CRIM1: variants seen among roughly 807,000 people sequenced by gnomAD.
CRIM1 encodes the protein cysteine-rich motor neuron 1 protein.
CRIM1 carries 32 observed loss-of-function variants against 116.4 expected under a neutral mutation model. That is an observed-to-expected ratio of 0.27 (90% CI 0.21 to 0.37). The LOEUF is 0.37. CRIM1 is among the 10% of genes least tolerant of loss of function. The pLI is 1.00. For synonymous variants in CRIM1, 590 were observed against 509.2 expected, an observed-to-expected ratio of 1.16 and a Z score of -2.13; for missense variants, 1,331 against 1,354.8, an observed-to-expected ratio of 0.98 and a Z score of 0.28.
intron 1 of CRIM1, among the ~76,000 whole-genome samples, chr2:36,382,914 C>A (rs951811764): frequency 6.6e-6 from 1 of 152,194 alleles, no homozygotes; most frequent in Non-Finnish European, 1.5e-5. Context: ...ATCAGAGCAT[C>A]CTTTGGGAGT....
intron 1 of CRIM1, among the ~76,000 whole-genome samples, chr2:36,380,878 T>G (rs1042290025): frequency 3.9e-5 from 6 of 152,160 alleles, no homozygotes; most frequent in African/African-American, 1.4e-4. Context: ...AAGTTTGTCA[T>G]GTTCTCTTAT....
At chr2:36,397,382 A>G (rs1267033996) in intron 2 of CRIM1, among the ~76,000 whole-genome samples, 3 of 152,142 alleles carry the variant, frequency 2.0e-5, no homozygotes, top group Non-Finnish European at 4.4e-5. Flanking sequence ...AACCAAGAAA[A>G]AACTTCAAGA....
rs147453426 is a variant in CRIM1 at position 36,441,430 on chromosome 2, C to T, written c.678C>T (p.Asn226=). ...TGCGCAAAGTCTGCCAGCCGGGAAA[C>T]CTGAACATACTAGTGTCAAAAGCCT... is the stretch of plus-strand genomic sequence containing the variant. The part of the protein sequence containing the change: ...GCLRKVCQPG[N]LNILVSKASG... The change falls in exon 3 of 17, where the codon AAC becomes AAT. Residue 226 remains asparagine, a synonymous_variant. Transcript: ENST00000280527. The T allele has an allele frequency of 8.5e-5, 138 of 1,614,070 alleles. 1 individual carries two copies. The African/African-American group carries it at 1.7e-3, about 19-fold the overall frequency.
In CRIM1 at chr2:36,396,653, C is replaced by T. The variant is rs1388639190; in HGVS notation, c.371C>T (p.Pro124Leu). 1.2e-6 allele frequency: 2 copies of T among 1,612,108 alleles called. No homozygotes were observed. The highest frequency in any genetic ancestry group is 2.2e-5 in the South Asian group (2 of 90,920). Residue 124 changes from proline to leucine, a missense_variant, in exon 2 of 17, where the codon CCA (proline) becomes CTA (leucine). Pro to Leu is a moderately conservative substitution (Grantham distance 98). Around this residue, in one of 3 missense-constraint regions of CRIM1, gnomAD observed 690 missense variants for 676.0 expected, o/e 1.02. Coordinates refer to ENST00000280527, the MANE Select transcript of CRIM1 (RefSeq NM_016441.3). The stretch of plus-strand genomic sequence containing the variant: ...GATGACCAACTGCTTGGTTTTAAAC[C>T]ATGCAATGAAAACCTTATTGCTGGC... ...WTDDQLLGFK[P>L]CNENLIAGCN...
At chr2:36,446,062 TAAG>T (rs1245293975) in intron 4 of CRIM1, among the ~76,000 whole-genome samples, 1 of 152,218 alleles carries the variant, frequency 6.6e-6, no homozygotes, top group South Asian at 2.1e-4. Context: ...TAGGACATAA[TAAG>T]GTAAAATATC....
At chr2:36,442,905 A>G (rs1284768746) in intron 4 of CRIM1, among the ~76,000 whole-genome samples, 170 bp downstream of exon 4, 4 of 152,210 alleles carry the variant, frequency 2.6e-5, no homozygotes, top group Non-Finnish European at 5.9e-5. Context: ...ATCTTTCCTC[A>G]GATCAAAACC....
At chr2:36,370,934 A>T (rs1269652953) in intron 1 of CRIM1, among the ~76,000 whole-genome samples, 1 of 152,160 alleles carries the variant, frequency 6.6e-6, no homozygotes, top group East Asian at 1.9e-4. Flanking sequence ...TAGACCCCTA[A>T]ATTAAAGACC....
At chr2:36,407,183 T>C (rs3755213) in intron 2 of CRIM1, among the ~76,000 whole-genome samples, 4,222 of 152,288 alleles carry the variant, frequency 0.028, 152 homozygotes, top group East Asian at 0.094. Flanking sequence ...CAATCACAAA[T>C]TGACAATATT....
At chr2:36,362,348 T>A (rs1226495486) in intron 1 of CRIM1, among the ~76,000 whole-genome samples, 1 of 152,172 alleles carries the variant, frequency 6.6e-6, no homozygotes, top group Admixed American at 6.5e-5. Context: ...TTTAAAAGTG[T>A]GAGTAGTAGC....
At chr2:36,522,728 G>T (rs1290563163) in intron 13 of CRIM1, among the ~76,000 whole-genome samples, 1 of 150,956 alleles carries the variant, frequency 6.6e-6, no homozygotes, top group Non-Finnish European at 1.5e-5. Flanking sequence ...CTTGAACACG[G>T]GAGGCGGAGG....
At chr2:36,438,444 C>T (rs1438723368) in intron 2 of CRIM1, among the ~76,000 whole-genome samples, 3 of 152,188 alleles carry the variant, frequency 2.0e-5, no homozygotes, top group Admixed American at 6.5e-5. Context: ...ATTCAAGATT[C>T]GCCTTCTCCT....
chr2:36,438,789 A>G (rs11673762), intron 2 of CRIM1, among the ~76,000 whole-genome samples: 6 of 152,126 alleles, frequency 3.9e-5, no homozygotes, highest in African/African-American at 7.2e-5. Flanking sequence ...TTCCTGAGAC[A>G]GGAGTCATAT....
Position 36,548,267 on chromosome 2 carries a change from C to CTTT in CRIM1, c.2935-244_2935-242dup, listed in dbSNP as rs11318146. On this transcript the variant is annotated intron_variant, in intron 16 of 16. Coordinates refer to ENST00000280527, the MANE Select transcript of CRIM1 (RefSeq NM_016441.3). ...AAGGATTTGAAATCATTTCACCAGTCTTTTTTTTTTTTTTTTCAGTTCCTT... is the reference window on the plus strand; with the variant it reads ...AAGGATTTGAAATCATTTCACCAGTCTTTTTTTTTTTTTTTTTTTCAGTTCCTT... Among the ~76,000 whole-genome samples, 261 of 137,814 alleles carry CTTT rather than the reference C, an allele frequency of 1.9e-3. 1 individual carries two copies. Among genetic ancestry groups the CTTT allele is most frequent in the East Asian group, 0.012 (56 of 4,856 alleles). 90.4% of individuals were successfully genotyped at this position (137,814 alleles called of 152,430 possible).
At chr2:36,414,506 C>G (rs1033829395) in intron 2 of CRIM1, among the ~76,000 whole-genome samples, 30 of 152,180 alleles carry the variant, frequency 2.0e-4, no homozygotes, top group Admixed American at 2.0e-3. Flanking sequence ...CTAGTCCCCC[C>G]CCGAGCTTTC....
intron 2 of CRIM1, among the ~76,000 whole-genome samples, chr2:36,411,986 A>G (rs149565403): frequency 1.3e-4 from 20 of 152,308 alleles, no homozygotes; most frequent in African/African-American, 3.6e-4. Flanking sequence ...TGTGTTGTCT[A>G]TCTGCTTCCC....
intron 1 of CRIM1, among the ~76,000 whole-genome samples, chr2:36,395,164 G>A (rs1356807200): frequency 2.6e-5 from 4 of 151,864 alleles, no homozygotes; most frequent in Admixed American, 1.3e-4. Context: ...ACAGGCATGC[G>A]CCACCATGTC....
At chr2:36,393,106 G>C (rs1052543550) in intron 1 of CRIM1, among the ~76,000 whole-genome samples, 10 of 152,208 alleles carry the variant, frequency 6.6e-5, no homozygotes, top group Non-Finnish European at 1.2e-4. Context: ...GCATCTGGCA[G>C]TGAAAACCAA....
chr2:36,477,047 G>A lies in CRIM1; in HGVS notation c.1150G>A (p.Gly384Arg). 3 of 1,613,740 alleles carry A rather than the reference G, an allele frequency of 1.9e-6. No individual in the cohort carries two copies. The highest frequency in any genetic ancestry group is 2.2e-5 in the South Asian group (2 of 91,000). The part of the protein sequence containing the change: ...INCERYYVPE[G>R]ECCPVCEDPV... Reference sequence around the variant, plus strand: ...CTGCGAGAGGTACTACGTGCCCGAAGGAGAGTGCTGCCCAGTGTGTGAAGG... The same window carrying A: ...CTGCGAGAGGTACTACGTGCCCGAAAGAGAGTGCTGCCCAGTGTGTGAAGG... The change falls in exon 6 of 17, where the codon GGA becomes AGA. Residue 384 changes from glycine (G) to arginine (R), a missense_variant. Physicochemically the swap from Gly to Arg is moderately radical, Grantham distance 125. This residue lies in a region of CRIM1 where 690 missense variants were observed against 676.0 expected (regional missense o/e 1.02). Transcript: ENST00000280527.
intron 2 of CRIM1, among the ~76,000 whole-genome samples, chr2:36,406,633 C>CCCCAAA (rs1558548535): frequency 8.5e-6 from 1 of 118,220 alleles, no homozygotes; most frequent in African/African-American, 3.6e-5. Context: ...CCCCCCCCCC[C>CCCCAAA]AAAAAAAAAC....
Sources: allele counts gnomAD v4.1 joint callset (sites outside exome capture counted in the v4.1 genomes callset), GRCh38; gene constraint gnomAD v4.1.1; regional missense constraint gnomAD v4.1.1; transcripts MANE v1.5; gene names NCBI Gene and HGNC (gene_info 2026-07-23, HGNC 2026-07-21).